The following LRP1B variants were observed in gnomAD, a reference collection of about 807,000 sequenced individuals.
The protein encoded by LRP1B is low-density lipoprotein receptor-related protein 1B.
A neutral mutation model predicts 556.6 loss-of-function variants in LRP1B; 217 were observed. That is an observed-to-expected ratio of 0.39 (90% confidence interval 0.35 to 0.44). The LOEUF (loss-of-function observed/expected upper bound fraction) is 0.44. Ranked by LOEUF, LRP1B falls within the 20% of genes least tolerant of loss-of-function variation. The pLI, the probability that LRP1B is intolerant of heterozygous loss-of-function variation, is 1.00. For missense variants in LRP1B, 5,053 were observed against 5,620.8 expected, an observed-to-expected ratio of 0.90 and a Z score of 3.23; for synonymous variants, 2,047 against 1,865.8, an observed-to-expected ratio of 1.10 and a Z score of -2.50.
rs145776261 is a variant in LRP1B, at chr2:140,617,849, A to C, written c.6800-16210T>G. Among the ~76,000 whole-genome samples, 619 of 152,130 alleles carry C rather than the reference A, an allele frequency of 4.1e-3. 3 individuals are homozygous for C. Among genetic ancestry groups the C allele is most frequent in the African/African-American group, 0.014 (595 of 41,574 alleles). On this transcript the variant is annotated intron_variant, in intron 41 of 90. Transcript: ENST00000389484. ...CTCCAAAATCCTACTTAATTAGGAA[A>C]ATTTTAAAAACTGTTGAGAACTTTC... is the stretch of plus-strand genomic sequence containing the variant.
At chr2:140,459,580 G>A (rs940787269) in intron 60 of LRP1B, among the ~76,000 whole-genome samples, 3 of 152,182 alleles carry the variant, frequency 2.0e-5, no homozygotes, top group Non-Finnish European at 4.4e-5. Flanking sequence ...TTATTCAGCA[G>A]TAACTACAGG....
At chr2:141,968,221 C>T (rs1701616463) in intron 1 of LRP1B, among the ~76,000 whole-genome samples, 1 of 151,662 alleles carries the variant, frequency 6.6e-6, no homozygotes, top group African/African-American at 2.4e-5. Flanking sequence ...TAACAACATC[C>T]CGGCAAAAAG....
chr2:141,364,732 C>T (rs533986841), intron 3 of LRP1B, among the ~76,000 whole-genome samples: 11 of 152,244 alleles, frequency 7.2e-5, no homozygotes, highest in African/African-American at 1.9e-4. Flanking sequence ...ATAGCATTTT[C>T]GTGCTCCTAA....
intron 23 of LRP1B, among the ~76,000 whole-genome samples, chr2:140,894,102 A>AT (rs1693878506): frequency 6.6e-6 from 1 of 152,204 alleles, no homozygotes; most frequent in Admixed American, 6.5e-5. Context: ...GGATGACTGG[A>AT]TTTTAAGTCC....
chr2:140,438,579 G>C (rs768819904), intron 66 of LRP1B, among the ~76,000 whole-genome samples: 1 of 152,158 alleles, frequency 6.6e-6, no homozygotes, highest in Non-Finnish European at 1.5e-5. Context: ...TCTGTCTTTT[G>C]AGTTGAATGT....
intron 71 of LRP1B, among the ~76,000 whole-genome samples, chr2:140,367,383 C>T (rs13393822): frequency 0.019 from 2,862 of 151,802 alleles, 80 homozygotes; most frequent in African/African-American, 0.065. Flanking sequence ...GTACAGCTTA[C>T]ATTGCCATCT....
At chr2:141,888,746 G>A (rs1330330962) in intron 1 of LRP1B, among the ~76,000 whole-genome samples, 9 of 152,232 alleles carry the variant, frequency 5.9e-5, no homozygotes, top group African/African-American at 1.2e-4. Flanking sequence ...CTGACCTGAC[G>A]GAATGACAGT....
rs533043307 is a variant in LRP1B, at chr2:140,365,241, C to T, written c.11009-458G>A. Among the ~76,000 whole-genome samples the T allele has an allele frequency of 5.9e-5, 9 of 151,328 alleles. No homozygotes were observed. The South Asian group carries it at 1.9e-3, about 32-fold the overall frequency. On this transcript the variant is annotated intron_variant, in intron 71 of 90. Coordinates refer to ENST00000389484, the MANE Select transcript of LRP1B (RefSeq NM_018557.3). ...CTAGATCACTAAAAACTTAGAATAG[C>T]CAGTAAAAATTTTTTTGCAAACACA...
intron 23 of LRP1B, among the ~76,000 whole-genome samples, chr2:140,887,815 T>C (rs1213893386): frequency 6.6e-6 from 1 of 152,162 alleles, no homozygotes; most frequent in African/African-American, 2.4e-5. Context: ...TATTGCATGA[T>C]TACATTTATA....
intron 1 of LRP1B, among the ~76,000 whole-genome samples, chr2:141,840,421 G>A (rs928767738): frequency 2.0e-5 from 3 of 151,554 alleles, no homozygotes; most frequent in Non-Finnish European, 4.4e-5. Context: ...CCGCCACTAC[G>A]CCCAGCTAAT....
intron 32 of LRP1B, among the ~76,000 whole-genome samples, chr2:140,794,277 T>C (rs554160628): frequency 6.6e-6 from 1 of 152,140 alleles, no homozygotes; most frequent in African/African-American, 2.4e-5. Flanking sequence ...TAAATGTGAA[T>C]ACATAGGTAA....
At chr2:140,433,504 C>T (rs191937170) in intron 66 of LRP1B, among the ~76,000 whole-genome samples, 23 of 152,188 alleles carry the variant, frequency 1.5e-4, no homozygotes, top group Non-Finnish European at 2.4e-4. Context: ...TTGAGCCTGC[C>T]GCTCAGCATT....
chr2:140,523,208 C>T (rs549440814), intron 49 of LRP1B, among the ~76,000 whole-genome samples: 1 of 152,122 alleles, frequency 6.6e-6, no homozygotes, highest in Non-Finnish European at 1.5e-5. Context: ...GGCAAGTAGG[C>T]TTTATTCCTG....
chr2:141,382,196 C>A (rs751959095), intron 3 of LRP1B, among the ~76,000 whole-genome samples: 4 of 152,160 alleles, frequency 2.6e-5, no homozygotes, highest in African/African-American at 7.2e-5. Context: ...AGCAGTGAAC[C>A]TGAAAATTGC....
In LRP1B at chr2:140,462,980, G is replaced by A. The variant is rs543232475; in HGVS notation, c.9626-5329C>T. Among the ~76,000 whole-genome samples, 21 of 152,240 alleles carry A rather than the reference G, an allele frequency of 1.4e-4. No homozygotes were observed. The South Asian group carries it at 4.3e-3, about 32-fold the overall frequency. Reference sequence around the variant, plus strand: ...CACAATGAGATGTGTAGAGAAGATAGGGCATGACTTAAAGTAGCATAGTGT... The same window carrying A: ...CACAATGAGATGTGTAGAGAAGATAAGGCATGACTTAAAGTAGCATAGTGT... On this transcript the variant is annotated intron_variant, in intron 60 of 90. Coordinates refer to ENST00000389484, the MANE Select transcript of LRP1B (RefSeq NM_018557.3).
intron 1 of LRP1B, among the ~76,000 whole-genome samples, chr2:141,959,358 A>G (rs1037959379): frequency 6.6e-6 from 1 of 152,072 alleles, no homozygotes; most frequent in African/African-American, 2.4e-5. Context: ...AAATACTAAT[A>G]TTGTCACATA....
rs1553506160 is a variant in LRP1B, at chr2:142,031,330, A to ATTTTTTAT, written c.82+99317_82+99318insATAAAAAA. ...ATTTAGAGAAAGGTTGATTATACTTATTTTTTTTTTTTTTTTTTATTATAC... is the reference window on the plus strand; with the variant it reads ...ATTTAGAGAAAGGTTGATTATACTTATTTTTTATTTTTTTTTTTTTTTTTTTATTATAC... On this transcript the variant is annotated intron_variant, in intron 1 of 90. Transcript: ENST00000389484. Among the ~76,000 whole-genome samples the ATTTTTTAT allele has an allele frequency of 6.0e-5, 7 of 117,038 alleles. 1 individual carries two copies. The highest frequency in any genetic ancestry group is 2.9e-4 in the East Asian group (1 of 3,394). 76.8% of individuals were successfully genotyped at this position (117,038 alleles called of 152,430 possible). A position where few individuals can be genotyped will look rare whatever the true frequency, so the allele number is the denominator to read the frequency against.
intron 84 of LRP1B, among the ~76,000 whole-genome samples, chr2:140,289,060 A>G (rs1683271654): frequency 6.6e-6 from 1 of 151,968 alleles, no homozygotes; most frequent in Non-Finnish European, 1.5e-5. Context: ...AACAAGAGTA[A>G]TTAAGCATTC....
At chr2:140,534,445 A>T (rs12615001) in intron 46 of LRP1B, among the ~76,000 whole-genome samples, 5 of 151,974 alleles carry the variant, frequency 3.3e-5, no homozygotes, top group Admixed American at 3.3e-4. Context: ...CATATATCAC[A>T]TATTCAATTC....
Sources: gnomAD v4.1 joint callset for allele counts (sites outside exome capture counted in the v4.1 genomes callset) on GRCh38, gnomAD v4.1.1 for gene constraint, MANE v1.5 for transcripts, NCBI Gene and HGNC (gene_info 2026-07-23, HGNC 2026-07-21) for gene names.